ULK2: variants seen among roughly 807,000 people sequenced by gnomAD.
The protein encoded by ULK2 is unc-51 like autophagy activating kinase 2.
ULK2 carries 76 observed loss-of-function variants against 127.5 expected under a neutral mutation model. The observed-to-expected ratio is 0.60, with a 90% CI of 0.50 to 0.72. ULK2 has a LOEUF of 0.72. Ranked by LOEUF, ULK2 falls within the 30% of genes least tolerant of loss-of-function variation. The pLI, the probability that ULK2 is intolerant of heterozygous loss-of-function variation, is 0.00. For missense variants in ULK2, 1,144 were observed against 1,295.9 expected, an observed-to-expected ratio of 0.88 and a Z score of 1.80; for synonymous variants, 452 against 461.9, an observed-to-expected ratio of 0.98 and a Z score of 0.28.
In ULK2 at chr17:19,804,838, C is replaced by T. The variant is rs752925043; in HGVS notation, c.1158-8G>A. The T allele has an allele frequency of 4.4e-6, 7 of 1,608,316 alleles. No homozygotes were observed. Among genetic ancestry groups the T allele is most frequent in the Admixed American group, 3.4e-5 (2 of 59,136 alleles). ...ACAGTAGGCTGACACTGCCTGCAAT[C>T]GTAATTTATTGAAAAAGGAAAGAAA... is the stretch of plus-strand genomic sequence containing the variant. On this transcript the variant is annotated splice_polypyrimidine_tract_variant and splice_region_variant and intron_variant, in intron 14 of 26. Transcript: ENST00000395544.
At position 19,843,148 on chromosome 17, in the gene ULK2, T is replaced by C. The variant is rs1158357519; in HGVS notation, c.618A>G (p.Gln206=). 1 of 1,613,852 alleles carries C rather than the reference T, an allele frequency of 6.2e-7. No homozygotes were observed. Residue 206 remains glutamine (Q), a synonymous_variant, in exon 8 of 27, where the codon CAA becomes CAG. Coordinates refer to ENST00000395544, the MANE Select transcript of ULK2 (RefSeq NM_014683.4). ...DLWSIGTVIY[Q]CLVGKPPFQA... Reference sequence around the variant, plus strand: ...GAAAAGGTGGTTTTCCAACTAGGCATTGGTATATCACTGTTCCTATGCTCC... The same window carrying C: ...GAAAAGGTGGTTTTCCAACTAGGCACTGGTATATCACTGTTCCTATGCTCC...
intron 3 of ULK2, among the ~76,000 whole-genome samples, chr17:19,857,238 G>T (rs935685022): frequency 6.6e-6 from 1 of 151,088 alleles, no homozygotes; most frequent in Non-Finnish European, 1.5e-5. Flanking sequence ...AACCTGGGAG[G>T]TGGAGGTTGC....
intron 10 of ULK2, among the ~76,000 whole-genome samples, chr17:19,830,232 GCT>G (rs1438461580): frequency 2.0e-5 from 3 of 151,416 alleles, no homozygotes; most frequent in South Asian, 2.1e-4. Flanking sequence ...ACAATGTTGC[GCT>G]CTGTTTTTTC....
intron 3 of ULK2, among the ~76,000 whole-genome samples, chr17:19,853,277 AG>A (rs2042057043): frequency 1.3e-5 from 2 of 151,724 alleles, no homozygotes; most frequent in South Asian, 4.2e-4. Flanking sequence ...CTAGGACCAC[AG>A]GTGTGCACCA....
At chr17:19,849,827 T>G in intron 3 of ULK2, 53 bp from the exon 4 acceptor site, 4 of 1,121,080 alleles carry the variant, frequency 3.6e-6, no homozygotes, top group Non-Finnish European at 5.1e-6. Flanking sequence ...ACACAAAATT[T>G]AAAGATAATG....
At chr17:19,780,371 G>C (rs778456102) in intron 25 of ULK2, 101 bp downstream of exon 25, 1 of 1,124,626 alleles carries the variant, frequency 8.9e-7, no homozygotes, top group Non-Finnish European at 1.2e-6. Flanking sequence ...TGGGACTTGA[G>C]ACATTATCTT....
At chr17:19,815,834 C>T (rs1046351945) in intron 13 of ULK2, among the ~76,000 whole-genome samples, 1 of 151,836 alleles carries the variant, frequency 6.6e-6, no homozygotes, top group Non-Finnish European at 1.5e-5. Context: ...TGCACATGTA[C>T]CCTAAAACCT....
At chr17:19,867,289 T>C in intron 1 of ULK2, 39 bp downstream of exon 1, 2 of 1,496,000 alleles carry the variant, frequency 1.3e-6, no homozygotes, top group Middle Eastern at 2.0e-4. Context: ...GCCCCGTGCC[T>C]GCCGCCCGGG....
Position 19,783,817 on chromosome 17 carries a change from G to T in ULK2, c.2340C>A (p.Ser780=). ...GSPPGPGFGS[S]PPGAEAAPSL... is the part of the protein sequence containing the mutation. Reference sequence around the variant, plus strand: ...TGGGAGCTGCCTCTGCTCCTGGAGGGGAAGAGCCGAAGCCTGGGCCAGGCG... The same window carrying T: ...TGGGAGCTGCCTCTGCTCCTGGAGGTGAAGAGCCGAAGCCTGGGCCAGGCG... The change falls in exon 22 of 27, where the codon TCC becomes TCA. Residue 780 remains serine, a synonymous_variant. Transcript: ENST00000395544. 1 of 1,602,922 alleles carries T rather than the reference G, an allele frequency of 6.2e-7. No homozygotes were observed. The highest frequency in any genetic ancestry group is 8.5e-7 in the Non-Finnish European group (1 of 1,174,396).
intron 7 of ULK2, 69 bp from the exon 8 acceptor site, chr17:19,843,291 A>C: frequency 9.8e-7 from 1 of 1,022,578 alleles, no homozygotes; most frequent in South Asian, 1.8e-5. Flanking sequence ...ATATTAATTA[A>C]CTGGTAAAGG....
At chr17:19,777,208 G>T (rs1241499391) in intron 26 of ULK2, among the ~76,000 whole-genome samples, 1 of 152,170 alleles carries the variant, frequency 6.6e-6, no homozygotes, top group South Asian at 2.1e-4. Context: ...GGGTTCAAGC[G>T]ATTCTCCTGT....
At chr17:19,859,920 T>C (rs1176665577) in intron 3 of ULK2, among the ~76,000 whole-genome samples, 1 of 152,198 alleles carries the variant, frequency 6.6e-6, no homozygotes, top group African/African-American at 2.4e-5. Flanking sequence ...CAAGCAATCC[T>C]CCAGCTTCAG....
At chr17:19,835,468 G>A (rs2041570654) in intron 10 of ULK2, among the ~76,000 whole-genome samples, 1 of 150,966 alleles carries the variant, frequency 6.6e-6, no homozygotes, top group Non-Finnish European at 1.5e-5. Flanking sequence ...TGTAATCCCA[G>A]CACTTTGGGA....
At position 19,772,724 on chromosome 17, in the gene ULK2, G is replaced by T. The variant is rs546595611; in HGVS notation, c.*3625C>A. 52 of 152,440 alleles carry T rather than the reference G, an allele frequency of 3.4e-4. No homozygotes were observed. The highest frequency in any genetic ancestry group is 1.1e-3 in the African/African-American group (47 of 41,590). 9.4% of individuals were successfully genotyped at this position (152,440 alleles called of 1,614,324 possible). A position where few individuals can be genotyped will look rare whatever the true frequency, so the allele number is the denominator to read the frequency against. On this transcript the variant is annotated 3_prime_UTR_variant, in exon 27 of 27. Coordinates refer to ENST00000395544, the MANE Select transcript of ULK2 (RefSeq NM_014683.4). ...AGCCCGGGCGCGGTGGCTCACGCCT[G>T]TAATCCCAGCACTTTGGGAGGCCGA... is the stretch of plus-strand genomic sequence containing the variant.
chr17:19,865,881 A>G (rs1037446978), intron 1 of ULK2, 53 bp from the exon 2 acceptor site: 1 of 1,131,302 alleles, frequency 8.8e-7, no homozygotes. Context: ...TAAATAACAG[A>G]AAAAAATTTA....
chr17:19,812,774 A>C (rs1261882954), intron 13 of ULK2, among the ~76,000 whole-genome samples: 1 of 152,252 alleles, frequency 6.6e-6, no homozygotes, highest in Non-Finnish European at 1.5e-5. Flanking sequence ...CTATTTGTAT[A>C]TCTCATAATA....
At chr17:19,787,431 C>T (rs2087058443) in intron 20 of ULK2, among the ~76,000 whole-genome samples, 1 of 152,180 alleles carries the variant, frequency 6.6e-6, no homozygotes, top group Non-Finnish European at 1.5e-5. Flanking sequence ...GGATTACAGG[C>T]GTGAGCCACT....
intron 3 of ULK2, among the ~76,000 whole-genome samples, chr17:19,856,517 G>C (rs2152401388): frequency 6.6e-6 from 1 of 151,992 alleles, no homozygotes; most frequent in South Asian, 2.1e-4. Flanking sequence ...GGGAGGCAGA[G>C]CTTGCAGTGA....
At chr17:19,825,925 G>C (rs532318753) in intron 11 of ULK2, among the ~76,000 whole-genome samples, 5 of 150,218 alleles carry the variant, frequency 3.3e-5, no homozygotes, top group Non-Finnish European at 7.4e-5. Flanking sequence ...GGTGGAGGTT[G>C]CTGTGAGCCG....
Sources: gnomAD v4.1 joint callset for allele counts (sites outside exome capture counted in the v4.1 genomes callset) on GRCh38, gnomAD v4.1.1 for gene constraint, MANE v1.5 for transcripts, NCBI Gene and HGNC (gene_info 2026-07-23, HGNC 2026-07-21) for gene names.